COL22A1: variants seen among roughly 807,000 people sequenced by gnomAD.
COL22A1 encodes collagen type XXII alpha 1 chain, also known as collagen alpha-1(XXII) chain.
In COL22A1, 221 loss-of-function variants were observed where a neutral mutation model predicts 248.9. The observed-to-expected ratio is 0.89, with a 90% CI of 0.80 to 0.99. COL22A1 has a LOEUF of 0.99. COL22A1 is among the 50% of genes least tolerant of loss of function. The pLI, the probability that COL22A1 is intolerant of heterozygous loss-of-function variation, is 0.00. For missense variants in COL22A1, 2,240 were observed against 2,179.0 expected, an observed-to-expected ratio of 1.03 and a Z score of -0.56; for synonymous variants, 891 against 793.4, an observed-to-expected ratio of 1.12 and a Z score of -2.07.
At chr8:138,633,757 T>C (rs375535691) in intron 49 of COL22A1, among the ~76,000 whole-genome samples, 196 of 152,316 alleles carry the variant, frequency 1.3e-3, no homozygotes, top group African/African-American at 4.4e-3. Flanking sequence ...TCCAATAATA[T>C]TCAAATACAG....
intron 16 of COL22A1, among the ~76,000 whole-genome samples, chr8:138,773,034 C>T (rs1563743891): frequency 6.6e-6 from 1 of 152,128 alleles, no homozygotes; most frequent in Non-Finnish European, 1.5e-5. Flanking sequence ...GACAGGCCCC[C>T]CAGTTAAAAA....
chr8:138,885,623 C>G (rs1399588371), intron 1 of COL22A1, among the ~76,000 whole-genome samples: 1 of 151,926 alleles, frequency 6.6e-6, no homozygotes, highest in Non-Finnish European at 1.5e-5. Context: ...CTCTTGTTGC[C>G]CAGACTGAAG....
At chr8:138,616,650 G>A (rs549787718) in intron 54 of COL22A1, among the ~76,000 whole-genome samples, 8 of 152,308 alleles carry the variant, frequency 5.3e-5, no homozygotes, top group East Asian at 1.9e-4. Flanking sequence ...GCTGACATGC[G>A]TGACACACCT....
At chr8:138,794,923 T>G (rs556377733) in intron 12 of COL22A1, among the ~76,000 whole-genome samples, 1 of 152,132 alleles carries the variant, frequency 6.6e-6, no homozygotes, top group South Asian at 2.1e-4. Flanking sequence ...AATGGGGAGA[T>G]GCCAATTAAT....
At position 138,656,038 on chromosome 8, in the gene COL22A1, C is replaced by T. The variant is rs1823227468; in HGVS notation, c.3286-94G>A. The T allele has an allele frequency of 6.9e-6, 7 of 1,019,966 alleles. No individual in the cohort carries two copies. The Admixed American group carries it at 9.0e-5, about 13-fold the overall frequency. The allele number at this position is 1,019,966 out of a possible 1,614,324, so 63.2% of individuals were successfully genotyped here. A position where few individuals can be genotyped will look rare whatever the true frequency, so the allele number is the denominator to read the frequency against. On this transcript the variant is annotated intron_variant, in intron 44 of 64. Transcript: ENST00000303045. ...AAAGCAAAAGGACTTTAAAGTGTGA[C>T]ACAATACGTGACACACTGCGCCGTG...
At chr8:138,671,721 T>A (rs1451692667) in intron 41 of COL22A1, among the ~76,000 whole-genome samples, 1 of 152,234 alleles carries the variant, frequency 6.6e-6, no homozygotes, top group Non-Finnish European at 1.5e-5. Context: ...AAAAGCTGAA[T>A]GGCTTGATGT....
Position 138,755,156 on chromosome 8 carries a change from C to T in COL22A1, c.2031+1G>A, listed in dbSNP as rs757916159. ...CCCTGCGCAGGAGAGGGACAACTTA[C>T]CCGAGCTCCTGGAGGACCGGGGGCG... On this transcript the variant is annotated splice_donor_variant, in intron 21 of 64. Transcript: ENST00000303045. LOFTEE classifies it high-confidence loss of function. The T allele has an allele frequency of 1.2e-6, 2 of 1,613,968 alleles. No individual in the cohort carries two copies. Among genetic ancestry groups the T allele is most frequent in the Non-Finnish European group, 8.5e-7 (1 of 1,179,968 alleles).
At chr8:138,798,677 C>T (rs2131613175) in intron 11 of COL22A1, among the ~76,000 whole-genome samples, 1 of 152,292 alleles carries the variant, frequency 6.6e-6, no homozygotes, top group Middle Eastern at 3.4e-3. Context: ...CCTGTGCCTT[C>T]TAGCCTCAAT....
chr8:138,705,606 T>C (rs1828361058), intron 30 of COL22A1, among the ~76,000 whole-genome samples: 1 of 152,200 alleles, frequency 6.6e-6, no homozygotes, highest in Non-Finnish European at 1.5e-5. Context: ...CCACCAGGCC[T>C]GCCTTATGAG....
intron 30 of COL22A1, among the ~76,000 whole-genome samples, chr8:138,712,175 C>G (rs1285481390): frequency 6.6e-6 from 1 of 152,192 alleles, no homozygotes; most frequent in African/African-American, 2.4e-5. Context: ...GTTGGACTGG[C>G]AAACCAAGGC....
intron 23 of COL22A1, among the ~76,000 whole-genome samples, chr8:138,726,947 C>T (rs1406290463): frequency 6.6e-6 from 1 of 152,076 alleles, no homozygotes; most frequent in African/African-American, 2.4e-5. Context: ...CTGGGGTGAC[C>T]AGAGGGAGGA....
chr8:138,604,417 C>T (rs1020268699), intron 59 of COL22A1, among the ~76,000 whole-genome samples: 4 of 152,148 alleles, frequency 2.6e-5, no homozygotes, highest in African/African-American at 9.7e-5. Flanking sequence ...GTGGCAGAGA[C>T]AGAGAGAACT....
At chr8:138,820,719 C>T (rs191113709) in intron 7 of COL22A1, among the ~76,000 whole-genome samples, 3 of 151,752 alleles carry the variant, frequency 2.0e-5, no homozygotes, top group East Asian at 3.9e-4. Flanking sequence ...TATATATATT[C>T]ATATACATAT....
At chr8:138,856,853 C>A (rs905270251) in intron 3 of COL22A1, among the ~76,000 whole-genome samples, 1 of 152,116 alleles carries the variant, frequency 6.6e-6, no homozygotes, top group Non-Finnish European at 1.5e-5. Flanking sequence ...AGGAAGAGGG[C>A]CCCAGCCTGG....
intron 30 of COL22A1, among the ~76,000 whole-genome samples, chr8:138,713,587 G>C (rs1563653868): frequency 6.6e-6 from 1 of 152,094 alleles, no homozygotes; most frequent in East Asian, 1.9e-4. Context: ...AACAGCTCAC[G>C]CATGTGTCAA....
chr8:138,696,604 T>G (rs1252049382), intron 32 of COL22A1, among the ~76,000 whole-genome samples: 1 of 149,874 alleles, frequency 6.7e-6, no homozygotes, highest in Non-Finnish European at 1.5e-5. Flanking sequence ...AGCCTCTCTC[T>G]GATACGGCAG....
intron 35 of COL22A1, 26 bp from the exon 36 acceptor site, chr8:138,690,900 G>A: frequency 6.3e-7 from 1 of 1,593,420 alleles, no homozygotes; most frequent in African/African-American, 1.3e-5. Flanking sequence ...AGTTTAGAAA[G>A]GCCAAACGCA....
chr8:138,713,714 CCACCG>C (rs386730670), intron 30 of COL22A1, among the ~76,000 whole-genome samples: 501 of 34,704 alleles, frequency 0.014, 1 homozygote, highest in African/African-American at 0.061. Context: ...GAGTCCACCC[CCACCG>C]CCCCGCCGTA....
At position 138,619,432 on chromosome 8, in the gene COL22A1, C is replaced by T. The variant is rs75542671; in HGVS notation, c.3825+23G>A. The T allele has an allele frequency of 3.0e-3, 4,814 of 1,611,650 alleles. 107 individuals are homozygous for T. The East Asian group carries it at 0.058, about 19-fold the overall frequency. ...AGCTGATGGGCTTGGTTCTACCGTT[C>T]CCCACACACACTACACACTTACAGG... is the stretch of plus-strand genomic sequence containing the variant. On this transcript the variant is annotated intron_variant, in intron 53 of 64. Coordinates refer to ENST00000303045, the MANE Select transcript of COL22A1 (RefSeq NM_152888.3).
Sources: gnomAD v4.1 joint callset for allele counts (sites outside exome capture counted in the v4.1 genomes callset) on GRCh38, gnomAD v4.1.1 for gene constraint, MANE v1.5 for transcripts, NCBI Gene and HGNC (gene_info 2026-07-23, HGNC 2026-07-21) for gene names.